USH2A: variants seen among roughly 807,000 people sequenced by gnomAD.
USH2A encodes Usher syndrome 2A (autosomal recessive, mild).
A neutral mutation model predicts 538.9 loss-of-function variants in USH2A; 443 were observed. The ratio of observed to expected loss-of-function variants is 0.82; its 90% CI spans 0.76 to 0.89. The LOEUF (loss-of-function observed/expected upper bound fraction) is 0.89. Ranked by LOEUF, USH2A falls within the 40% of genes least tolerant of loss-of-function variation. The pLI, the probability that USH2A is intolerant of heterozygous loss-of-function variation, is 0.00. For synonymous variants in USH2A, 2,413 were observed against 2,273.5 expected (o/e 1.06, Z -1.75); for missense variants, 6,633 against 6,324.8 (o/e 1.05, Z -1.65).
At chr1:215,844,171 T>A in intron 46 of USH2A, 123 bp downstream of exon 46, 1 of 1,048,028 alleles carries the variant, frequency 9.5e-7, no homozygotes, top group Non-Finnish European at 1.4e-6. Context: ...CCTTCTCTCT[T>A]TTCCCTTCCC....
chr1:216,218,971 G>T (rs2035399056), intron 14 of USH2A, among the ~76,000 whole-genome samples: 1 of 139,558 alleles, frequency 7.2e-6, no homozygotes, highest in East Asian at 2.1e-4. Context: ...AACAATAAGA[G>T]AAAAGCTTCT....
chr1:216,304,037 C>T (rs1221727301), intron 9 of USH2A, among the ~76,000 whole-genome samples: 2 of 151,634 alleles, frequency 1.3e-5, no homozygotes, highest in African/African-American at 4.8e-5. Context: ...ATAGATTAAT[C>T]AATCATATTA....
intron 38 of USH2A, among the ~76,000 whole-genome samples, chr1:215,920,693 G>A (rs1666076738): frequency 6.6e-6 from 1 of 152,044 alleles, no homozygotes; most frequent in Non-Finnish European, 1.5e-5. Context: ...GCAAGTGGTG[G>A]ATAAGTTGAA....
chr1:216,420,046 GT>G (rs1423574124), intron 2 of USH2A, among the ~76,000 whole-genome samples: 5 of 152,060 alleles, frequency 3.3e-5, no homozygotes. Context: ...AGAAATAAAA[GT>G]TTTATATAAA....
intron 35 of USH2A, among the ~76,000 whole-genome samples, chr1:215,992,809 A>G (rs1668032937): frequency 6.6e-6 from 1 of 152,130 alleles, no homozygotes. Context: ...GTACACAAAA[A>G]CTATCAAAAG....
At chr1:215,631,066 C>T (rs1213524252) in intron 70 of USH2A, among the ~76,000 whole-genome samples, 6 of 152,168 alleles carry the variant, frequency 3.9e-5, no homozygotes, top group Admixed American at 3.9e-4. Flanking sequence ...ACTCTCATTC[C>T]TTGGCACCTC....
At chr1:216,158,360 T>C (rs776503490) in intron 21 of USH2A, among the ~76,000 whole-genome samples, 2 of 152,008 alleles carry the variant, frequency 1.3e-5, no homozygotes, top group Non-Finnish European at 2.9e-5. Flanking sequence ...CTCAGCCTCC[T>C]GAGTAACTGG....
At chr1:216,362,967 A>G (rs1240574658) in intron 4 of USH2A, among the ~76,000 whole-genome samples, 3 of 150,948 alleles carry the variant, frequency 2.0e-5, no homozygotes, top group Non-Finnish European at 4.4e-5. Flanking sequence ...AAATAATAAT[A>G]TTATTATTAT....
chr1:216,398,734 C>G (rs1486280574), intron 3 of USH2A, among the ~76,000 whole-genome samples: 1 of 152,152 alleles, frequency 6.6e-6, no homozygotes, highest in Non-Finnish European at 1.5e-5. Flanking sequence ...CTTCTATTCC[C>G]ACTGGCAGAA....
In USH2A at chr1:216,325,291, T is replaced by C; in HGVS notation, c.1143+14A>G. ...CCACAGGAAATTAATGTACACCTTATCGTTTCTCATTACCTGATACTGTCC... is the reference window on the plus strand; with the variant it reads ...CCACAGGAAATTAATGTACACCTTACCGTTTCTCATTACCTGATACTGTCC... On this transcript the variant is annotated intron_variant, in intron 6 of 71. Coordinates refer to ENST00000307340, the MANE Select transcript of USH2A (RefSeq NM_206933.4). 1 of 1,613,104 alleles carries C rather than the reference T, an allele frequency of 6.2e-7. No individual in the cohort carries two copies. The highest frequency in any genetic ancestry group is 1.1e-5 in the South Asian group (1 of 90,788).
intron 21 of USH2A, among the ~76,000 whole-genome samples, chr1:216,098,620 G>A (rs1185928607): frequency 6.6e-6 from 1 of 151,982 alleles, no homozygotes; most frequent in Non-Finnish European, 1.5e-5. Flanking sequence ...GGTGAACATT[G>A]GACTGTCGTT....
intron 30 of USH2A, among the ~76,000 whole-genome samples, chr1:216,059,182 A>T (rs1351293689): frequency 6.6e-6 from 1 of 152,234 alleles, no homozygotes; most frequent in Non-Finnish European, 1.5e-5. Flanking sequence ...ACACATATAC[A>T]TACATATATA....
intron 20 of USH2A, among the ~76,000 whole-genome samples, chr1:216,189,070 A>C (rs1287376025): frequency 6.6e-6 from 1 of 151,988 alleles, no homozygotes; most frequent in Non-Finnish European, 1.5e-5. Context: ...AGTGTTTTGT[A>C]CAAGCTAGGT....
intron 21 of USH2A, among the ~76,000 whole-genome samples, chr1:216,139,662 G>A (rs1463334564): frequency 1.3e-5 from 2 of 152,140 alleles, no homozygotes; most frequent in African/African-American, 4.8e-5. Context: ...AGTTCAGTGA[G>A]TTCAAAACCT....
chr1:215,769,020 T>G (rs1661207684), intron 55 of USH2A, among the ~76,000 whole-genome samples: 1 of 152,212 alleles, frequency 6.6e-6, no homozygotes, highest in Non-Finnish European at 1.5e-5. Flanking sequence ...CCATGTGACC[T>G]GACCAAAAAG....
chr1:216,379,677 T>A (rs2038896441), intron 3 of USH2A, among the ~76,000 whole-genome samples: 1 of 152,178 alleles, frequency 6.6e-6, no homozygotes, highest in Non-Finnish European at 1.5e-5. Flanking sequence ...ACTAGAGACT[T>A]ACAATGGGGA....
chr1:215,838,702 A>G (rs1343842885), intron 46 of USH2A, among the ~76,000 whole-genome samples: 1 of 152,130 alleles, frequency 6.6e-6, no homozygotes, highest in Non-Finnish European at 1.5e-5. Context: ...AAAACCGAGG[A>G]GGGTGGAATA....
chr1:215,750,579 A>C (rs1396011553), intron 58 of USH2A, among the ~76,000 whole-genome samples: 2 of 152,218 alleles, frequency 1.3e-5, no homozygotes, highest in African/African-American at 4.8e-5. Flanking sequence ...GTCCTCATTC[A>C]TACTTCCTAT....
intron 15 of USH2A, among the ~76,000 whole-genome samples, chr1:216,210,083 CAG>C (rs1471427869): frequency 6.6e-6 from 1 of 152,070 alleles, no homozygotes; most frequent in Non-Finnish European, 1.5e-5. Flanking sequence ...ATGAATACTG[CAG>C]AGAGAGGCCA....
Sources: allele counts gnomAD v4.1 joint callset (sites outside exome capture counted in the v4.1 genomes callset), GRCh38; gene constraint gnomAD v4.1.1; transcripts MANE v1.5; gene names NCBI Gene and HGNC (gene_info 2026-07-23, HGNC 2026-07-21).